The following USP25 variants were observed in gnomAD, a reference collection of about 807,000 sequenced individuals.
The protein encoded by USP25 is ubiquitin carboxyl-terminal hydrolase 25.
Under a neutral mutation model 158.5 loss-of-function variants are expected in USP25, and 85 were observed. That is an observed-to-expected ratio of 0.54 (90% CI 0.45 to 0.64). USP25 has a LOEUF of 0.64. Among genes scored for constraint, USP25 ranks in the 30% least tolerant of loss-of-function variants. The pLI is 0.00. For synonymous variants in USP25, 464 were observed against 460.4 expected (o/e 1.01, Z -0.10); for missense variants, 1,242 against 1,327.3 (o/e 0.94, Z 1.00).
At position 15,799,803 on chromosome 21, in the gene USP25, A is replaced by G. The variant is rs2036040831; in HGVS notation, c.602A>G (p.Lys201Arg). ...LEFRRLVLNYKPPSNAQDLPR... is the reference protein window; with the variant it reads ...LEFRRLVLNYRPPSNAQDLPR... ...TTTAGAAGATTAGTTCTGAATTACA[A>G]GCCTCCATCAAATGCTCAAGATTTA... is the stretch of plus-strand genomic sequence containing the variant. The change falls in exon 6 of 26, where the codon AAG becomes AGG. Residue 201 changes from lysine to arginine, a missense_variant. Physicochemically the swap from Lys to Arg is conservative, Grantham distance 26. This residue lies in a region of USP25 where 627 missense variants were observed against 701.4 expected (regional missense o/e 0.89). Coordinates refer to ENST00000400183, the MANE Select transcript of USP25 (RefSeq NM_001283041.3). 1 of 1,601,852 alleles carries G rather than the reference A, an allele frequency of 6.2e-7. No homozygotes were observed.
chr21:15,862,342 C>T (rs868602093), intron 20 of USP25, among the ~76,000 whole-genome samples: 5 of 151,854 alleles, frequency 3.3e-5, no homozygotes, highest in East Asian at 1.9e-4. Context: ...TTTTTGGATT[C>T]GGAATGCTCA....
rs2037515562 is a variant in USP25, at chr21:15,826,597, A to G, written c.1466+232A>G. On this transcript the variant is annotated intron_variant, in intron 13 of 25. Transcript: ENST00000400183. The surrounding 1 kb of genome is among the most constrained non-coding windows in gnomAD (Gnocchi z 4.8). Reference sequence around the variant, plus strand: ...TCACATTTTTTTTCAGTTCAGAATTATACTTTAGCATGTTTTGGTATGTAC... The same window carrying G: ...TCACATTTTTTTTCAGTTCAGAATTGTACTTTAGCATGTTTTGGTATGTAC... 6.6e-6 allele frequency among the ~76,000 whole-genome samples: 1 copy of G among 152,146 alleles called. No individual in the cohort carries two copies. Among genetic ancestry groups the G allele is most frequent in the African/African-American group, 2.4e-5 (1 of 41,430 alleles).
At chr21:15,736,389 A>G (rs1245051424) in intron 1 of USP25, among the ~76,000 whole-genome samples, 1 of 152,200 alleles carries the variant, frequency 6.6e-6, no homozygotes, top group Admixed American at 6.5e-5. Flanking sequence ...TTGTATTTCT[A>G]ATGGATTCAA....
rs543839958 is a variant in USP25 at position 15,860,347 on chromosome 21, G to A, written c.2548-3921G>A. 1.4e-4 allele frequency among the ~76,000 whole-genome samples: 21 copies of A among 152,202 alleles called. No individual in the cohort carries two copies. In the East Asian group the frequency reaches 3.3e-3, roughly 24 times the overall value. On this transcript the variant is annotated intron_variant, in intron 20 of 25. Coordinates refer to ENST00000400183, the MANE Select transcript of USP25 (RefSeq NM_001283041.3). ...TTTCCTATTTTTTAGTAGAGACAGG[G>A]TTTCACTGTGTTGGCCAGGCTGGTC...
At position 15,827,165 on chromosome 21, in the gene USP25, T is replaced by C; in HGVS notation, c.1655T>C (p.Leu552Ser). The C allele has an allele frequency of 6.2e-7, 1 of 1,614,202 alleles. No homozygotes were observed. Among genetic ancestry groups the C allele is most frequent in the Non-Finnish European group, 8.5e-7 (1 of 1,180,034 alleles). Residue 552 changes from leucine to serine, a missense_variant, in exon 14 of 26, where the codon TTA becomes TCA. By Grantham distance (145) the Leu-to-Ser change is moderately radical. Coordinates refer to ENST00000400183, the MANE Select transcript of USP25 (RefSeq NM_001283041.3). The part of the protein sequence containing the change: ...EEELSVLESC[L>S]HRWRTEIEND... ...GAACTTTCTGTGCTGGAAAGTTGTT[T>C]ACATCGCTGGAGGACAGAAATAGAA...
intron 3 of USP25, among the ~76,000 whole-genome samples, chr21:15,771,931 G>T (rs1264448832): frequency 6.6e-6 from 1 of 151,766 alleles, no homozygotes; most frequent in Non-Finnish European, 1.5e-5. Context: ...TTTCCTCTTG[G>T]TTTAGCCTGT....
In USP25 at chr21:15,745,404, T is replaced by C. The variant is rs1317142635; in HGVS notation, c.45+14966T>C. Among the ~76,000 whole-genome samples the C allele has an allele frequency of 4.6e-5, 7 of 152,068 alleles. No individual in the cohort carries two copies. The East Asian group carries it at 1.3e-3, about 29-fold the overall frequency. On this transcript the variant is annotated intron_variant, in intron 1 of 25. Coordinates refer to ENST00000400183, the MANE Select transcript of USP25 (RefSeq NM_001283041.3). ...TAACAGTTTCTTTGAAGTTGAAGTA[T>C]TTTAATATTGATTGTTTAATTTACT...
At chr21:15,794,422 A>C (rs2035754040) in intron 5 of USP25, among the ~76,000 whole-genome samples, 1 of 151,656 alleles carries the variant, frequency 6.6e-6, no homozygotes, top group Non-Finnish European at 1.5e-5. Flanking sequence ...TTTTTGTCCT[A>C]TTCACTTGGT....
intron 14 of USP25, among the ~76,000 whole-genome samples, chr21:15,829,144 A>C (rs2037674912): frequency 6.6e-6 from 1 of 152,114 alleles, no homozygotes; most frequent in South Asian, 2.1e-4. Context: ...ATACATATTT[A>C]TACACTTCTG....
At chr21:15,810,405 G>A (rs2036599296) in intron 8 of USP25, among the ~76,000 whole-genome samples, 1 of 152,084 alleles carries the variant, frequency 6.6e-6, no homozygotes, top group African/African-American at 2.4e-5. Flanking sequence ...GTACACAATT[G>A]TGGATACAAC....
At chr21:15,798,283 A>C (rs2035959896) in intron 5 of USP25, among the ~76,000 whole-genome samples, 1 of 151,232 alleles carries the variant, frequency 6.6e-6, no homozygotes, top group South Asian at 2.1e-4. Flanking sequence ...TCTTTTGTGG[A>C]ACTTTGTATC....
At chr21:15,840,824 A>G (rs564200651) in intron 17 of USP25, among the ~76,000 whole-genome samples, 8 of 152,320 alleles carry the variant, frequency 5.3e-5, no homozygotes, top group African/African-American at 1.9e-4. Flanking sequence ...TTCACATCCA[A>G]TTATTAACCG....
At chr21:15,744,483 G>T (rs761083298) in intron 1 of USP25, among the ~76,000 whole-genome samples, 42 of 151,766 alleles carry the variant, frequency 2.8e-4, no homozygotes, top group Non-Finnish European at 4.7e-4. Context: ...ACGCCACCAG[G>T]CCTGGCTAAT....
intron 3 of USP25, among the ~76,000 whole-genome samples, chr21:15,770,955 C>T (rs964921985): frequency 6.6e-6 from 1 of 152,126 alleles, no homozygotes; most frequent in African/African-American, 2.4e-5. Context: ...AACATGATAC[C>T]TTACTATGCT....
rs570323687 is a variant in USP25 at position 15,830,446 on chromosome 21, A to T, written c.1694-85A>T. On this transcript the variant is annotated intron_variant, in intron 14 of 25. Transcript: ENST00000400183. ...AGGAAAATTTTCCTATTCCTCTAAC[A>T]TGTTTGTAGGAAAAACATTAGTCCT... 2.4e-5 allele frequency: 28 copies of T among 1,188,506 alleles called. No homozygotes were observed. The Admixed American group carries it at 4.9e-4, about 21-fold the overall frequency. 73.6% of individuals were successfully genotyped at this position (1,188,506 alleles called of 1,614,324 possible).
chr21:15,819,914 A>T (rs1292957156), intron 10 of USP25, among the ~76,000 whole-genome samples: 1 of 151,936 alleles, frequency 6.6e-6, no homozygotes, highest in African/African-American at 2.4e-5. Flanking sequence ...AGAGGAAGAG[A>T]TGTATTTGAA....
intron 20 of USP25, among the ~76,000 whole-genome samples, chr21:15,862,759 AAGTC>A (rs2039485023): frequency 6.6e-6 from 1 of 151,592 alleles, no homozygotes; most frequent in South Asian, 2.1e-4. Flanking sequence ...AAAAAAAAAA[AAGTC>A]AGTTTTTTCA....
chr21:15,787,701 C>T (rs148220766), intron 4 of USP25, among the ~76,000 whole-genome samples: 1 of 151,820 alleles, frequency 6.6e-6, no homozygotes. Context: ...TTTAGGAAAT[C>T]AAATGAGATG....
intron 8 of USP25, among the ~76,000 whole-genome samples, chr21:15,810,633 A>G (rs1334318718): frequency 6.6e-6 from 1 of 152,152 alleles, no homozygotes; most frequent in African/African-American, 2.4e-5. Flanking sequence ...ACTTTGGGTG[A>G]AAAACTGGTA....
Sources: allele counts gnomAD v4.1 joint callset (sites outside exome capture counted in the v4.1 genomes callset), GRCh38; gene constraint gnomAD v4.1.1; regional missense constraint gnomAD v4.1.1; non-coding constraint Gnocchi (gnomAD v3.1); transcripts MANE v1.5; gene names NCBI Gene and HGNC (gene_info 2026-07-23, HGNC 2026-07-21).